Variants in GYS2 observed in about 807,000 individuals in gnomAD.
GYS2 encodes glycogen [starch] synthase, liver.
GYS2 carries 80 observed loss-of-function variants against 85.6 expected under a neutral mutation model. The observed-to-expected ratio is 0.93, with a 90% CI of 0.78 to 1.13. The LOEUF is 1.13. Ranked by LOEUF, GYS2 falls within the 50% of genes most tolerant of loss-of-function variation. The pLI is 0.00. For synonymous variants in GYS2, 328 were observed against 300.7 expected (o/e 1.09, Z -0.94); for missense variants, 881 against 854.9 (o/e 1.03, Z -0.38).
chr12:21,580,300 A>C, intron 2 of GYS2, 42 bp downstream of exon 2: 1 of 1,541,806 alleles, frequency 6.5e-7, no homozygotes, highest in East Asian at 2.2e-5. Context: ...TTTTTCCCAT[A>C]AGTTTACTGA....
At chr12:21,548,247 C>T (rs1944065459) in intron 11 of GYS2, among the ~76,000 whole-genome samples, 1 of 152,078 alleles carries the variant, frequency 6.6e-6, no homozygotes, top group South Asian at 2.1e-4. Flanking sequence ...GTACAGGTTA[C>T]AGATCCAGAA....
In GYS2 at chr12:21,536,487, TG is replaced by T. The variant is rs1345891212; in HGVS notation, c.*466del. The T allele has an allele frequency of 5.6e-6, 1 of 179,232 alleles. No homozygotes were observed. The highest frequency in any genetic ancestry group is 2.4e-5 in the African/African-American group (1 of 41,488). The allele number at this position is 179,232 out of a possible 1,614,324, so 11.1% of individuals were successfully genotyped here. A position where few individuals can be genotyped will look rare whatever the true frequency, so the allele number is the denominator to read the frequency against. ...TCATGGTTCTGATGCATGTGAAAAA[TG>T]AAAATAATCAGTAAAAACCTAGCTA... On this transcript the variant is annotated 3_prime_UTR_variant, in exon 16 of 16. Coordinates refer to ENST00000261195, the MANE Select transcript of GYS2 (RefSeq NM_021957.4).
chr12:21,599,515 A>C (rs1167004479), intron 1 of GYS2, among the ~76,000 whole-genome samples: 2 of 152,198 alleles, frequency 1.3e-5, no homozygotes, highest in African/African-American at 4.8e-5. Flanking sequence ...AAAGGGGCCT[A>C]GACATAGCAT....
rs153935 is a variant in GYS2 at position 21,600,379 on chromosome 12, C to T, written c.121+4093G>A. ...TTGGTCTCAAACAATTCTCCCACCTCAGCCTTGAAAAGTGTTGAGATTACA... is the reference window on the plus strand; with the variant it reads ...TTGGTCTCAAACAATTCTCCCACCTTAGCCTTGAAAAGTGTTGAGATTACA... On this transcript the variant is annotated intron_variant, in intron 1 of 15. Coordinates refer to ENST00000261195, the MANE Select transcript of GYS2 (RefSeq NM_021957.4). Among the ~76,000 whole-genome samples the T allele has an allele frequency of 3.5e-3, 533 of 152,248 alleles. 5 individuals are homozygous for T. Among genetic ancestry groups the T allele is most frequent in the African/African-American group, 0.012 (490 of 41,568 alleles).
At chr12:21,558,877 G>C (rs1280020846) in intron 10 of GYS2, among the ~76,000 whole-genome samples, 1 of 152,010 alleles carries the variant, frequency 6.6e-6, no homozygotes, top group Admixed American at 6.6e-5. Flanking sequence ...TTGTAAGCAA[G>C]TGGAAGGACA....
intron 1 of GYS2, among the ~76,000 whole-genome samples, chr12:21,597,335 G>A (rs900767616): frequency 7.2e-5 from 11 of 151,980 alleles, no homozygotes; most frequent in African/African-American, 2.7e-4. Flanking sequence ...GAATATATAA[G>A]AAACTCAAAC....
chr12:21,586,166 C>A (rs1426039702), intron 1 of GYS2, among the ~76,000 whole-genome samples: 1 of 152,094 alleles, frequency 6.6e-6, no homozygotes, highest in Non-Finnish European at 1.5e-5. Context: ...ACCATCTAAT[C>A]AGTTGCCAGT....
chr12:21,580,323 G>A lies in GYS2; in HGVS notation c.303+19C>T, dbSNP rs1057522225. 3.1e-6 allele frequency: 5 copies of A among 1,600,750 alleles called. No individual in the cohort carries two copies. Among genetic ancestry groups the A allele is most frequent in the Non-Finnish European group, 4.3e-6 (5 of 1,168,482 alleles). ...ATAAGTTTACTGAGAATTGCCAAGTGAAGTGTCAGTTCCTTTACCTGGCAG... is the reference window on the plus strand; with the variant it reads ...ATAAGTTTACTGAGAATTGCCAAGTAAAGTGTCAGTTCCTTTACCTGGCAG... On this transcript the variant is annotated intron_variant, in intron 2 of 15. Coordinates refer to ENST00000261195, the MANE Select transcript of GYS2 (RefSeq NM_021957.4).
At chr12:21,578,320 G>A (rs914126276) in intron 2 of GYS2, among the ~76,000 whole-genome samples, 5 of 152,022 alleles carry the variant, frequency 3.3e-5, no homozygotes, top group Admixed American at 3.3e-4. Context: ...AATGGCCCAT[G>A]AATTAAACTA....
chr12:21,573,676 C>T lies in GYS2; in HGVS notation c.678+468G>A, dbSNP rs571965817. On this transcript the variant is annotated intron_variant, in intron 4 of 15. Transcript: ENST00000261195. ...TTACAGGGAAAACTGAACCTATCAACCTATAATGTGGCTTTTAATCAATTG... is the reference window on the plus strand; with the variant it reads ...TTACAGGGAAAACTGAACCTATCAATCTATAATGTGGCTTTTAATCAATTG... Among the ~76,000 whole-genome samples, 86 of 152,284 alleles carry T rather than the reference C, an allele frequency of 5.6e-4. No individual in the cohort carries two copies. The South Asian group carries it at 0.016, about 29-fold the overall frequency.
intron 14 of GYS2, 36 bp from the exon 15 acceptor site, chr12:21,539,374 AC>A (rs777677220): frequency 9.3e-7 from 1 of 1,079,158 alleles, no homozygotes; most frequent in Non-Finnish European, 1.4e-6. Flanking sequence ...GTTAATAAAA[AC>A]CCTTAGATAT....
At chr12:21,570,517 A>G (rs1430043870) in intron 4 of GYS2, among the ~76,000 whole-genome samples, 1 of 152,256 alleles carries the variant, frequency 6.6e-6, no homozygotes, top group Non-Finnish European at 1.5e-5. Context: ...GCAAAGACGA[A>G]GACTTATTCA....
rs574051383 is a variant in GYS2 at position 21,579,678 on chromosome 12, T to C, written c.303+664A>G. Reference sequence around the variant, plus strand: ...GCCTGGCCGCTTTTTCTTACTTCTATAGGCCACCTATATTCCTTGTGGCCT... The same window carrying C: ...GCCTGGCCGCTTTTTCTTACTTCTACAGGCCACCTATATTCCTTGTGGCCT... On this transcript the variant is annotated intron_variant, in intron 2 of 15. Transcript: ENST00000261195. Among the ~76,000 whole-genome samples the C allele has an allele frequency of 2.6e-5, 4 of 152,272 alleles. No homozygotes were observed. The South Asian group carries it at 8.3e-4, about 32-fold the overall frequency.
chr12:21,575,849 T>C lies in GYS2; in HGVS notation c.495+17A>G, dbSNP rs750263115. On this transcript the variant is annotated intron_variant, in intron 3 of 15. Coordinates refer to ENST00000261195, the MANE Select transcript of GYS2 (RefSeq NM_021957.4). ...TTGTGCTGCTCCTCCGTTGTATCAC[T>C]ATATAATAAACCATACCTCTTTTAA... 6 of 1,584,658 alleles carry C rather than the reference T, an allele frequency of 3.8e-6. No individual in the cohort carries two copies. In the Admixed American group the frequency reaches 1.0e-4, roughly 26 times the overall value.
intron 1 of GYS2, among the ~76,000 whole-genome samples, chr12:21,585,761 A>C (rs1259040384): frequency 1.3e-5 from 2 of 152,236 alleles, no homozygotes; most frequent in East Asian, 1.9e-4. Flanking sequence ...ACTTGTACTA[A>C]GAAAATATAT....
chr12:21,552,813 A>T (rs1441426488), intron 11 of GYS2, among the ~76,000 whole-genome samples: 2 of 152,026 alleles, frequency 1.3e-5, no homozygotes, highest in Non-Finnish European at 2.9e-5. Context: ...TGTTATTTGC[A>T]TGACAAATTC....
At chr12:21,558,381 T>C in intron 10 of GYS2, 68 bp from the exon 11 acceptor site, 1 of 950,580 alleles carries the variant, frequency 1.1e-6, no homozygotes, top group Non-Finnish European at 1.7e-6. Flanking sequence ...ATTTCAACAA[T>C]AGGTCATTGA....
chr12:21,595,559 G>A (rs1167210114), intron 1 of GYS2, among the ~76,000 whole-genome samples: 1 of 152,140 alleles, frequency 6.6e-6, no homozygotes, highest in Non-Finnish European at 1.5e-5. Context: ...GCATAGCCAG[G>A]CATTTACATT....
chr12:21,578,540 T>A (rs1005793001), intron 2 of GYS2, among the ~76,000 whole-genome samples: 2 of 152,200 alleles, frequency 1.3e-5, no homozygotes, highest in Non-Finnish European at 2.9e-5. Context: ...CAAAAATTCC[T>A]TGAACACTTT....
Sources: allele counts gnomAD v4.1 joint callset (sites outside exome capture counted in the v4.1 genomes callset), GRCh38; gene constraint gnomAD v4.1.1; transcripts MANE v1.5; gene names NCBI Gene and HGNC (gene_info 2026-07-23, HGNC 2026-07-21).